The following ACAP3 variants were observed in gnomAD, a reference collection of about 807,000 sequenced individuals.
ACAP3 encodes the protein ArfGAP with coiled-coil, ankyrin repeat and PH domains 3, also known as arf-GAP with coiled-coil, ANK repeat and PH domain-containing protein 3.
ACAP3 carries 56 observed loss-of-function variants against 104.1 expected under a neutral mutation model. The ratio of observed to expected loss-of-function variants is 0.54; its 90% confidence interval spans 0.43 to 0.67. ACAP3 has a LOEUF of 0.67. ACAP3 is among the 30% of genes least tolerant of loss of function. The pLI, the probability that ACAP3 is intolerant of heterozygous loss-of-function variation, is 0.00. For missense variants in ACAP3, 1,208 were observed against 1,174.9 expected (o/e 1.03, Z -0.41); for synonymous variants, 628 against 496.2 (o/e 1.27, Z -3.53).
In ACAP3 at chr1:1,303,348, C is replaced by A; in HGVS notation, c.106-67G>T. 8 of 1,531,614 alleles carry A rather than the reference C, an allele frequency of 5.2e-6. No individual in the cohort carries two copies. The highest frequency in any genetic ancestry group is 7.0e-6 in the Non-Finnish European group (8 of 1,136,450). 94.9% of individuals were successfully genotyped at this position (1,531,614 alleles called of 1,614,324 possible). ...GCCTGCACTCGCCACCACACACGGC[C>A]ACTCAGAGGCAGGAAGAGCTCCCAG... On this transcript the variant is annotated intron_variant, in intron 2 of 23. Coordinates refer to ENST00000354700, the MANE Select transcript of ACAP3 (RefSeq NM_030649.3). This position sits in a 1 kb window ranked among gnomAD's most constrained non-coding sequence, Gnocchi z 4.0.
Position 1,293,639 on chromosome 1 carries a change from CAGG to C in ACAP3, c.2427_2429del (p.Leu810del), listed in dbSNP as rs1433596114. 6.7e-7 allele frequency: 1 copy of C among 1,486,064 alleles called. No homozygotes were observed. Among genetic ancestry groups the C allele is most frequent in the Non-Finnish European group, 8.9e-7 (1 of 1,125,498 alleles). 92.1% of individuals were successfully genotyped at this position (1,486,064 alleles called of 1,614,324 possible). A position where few individuals can be genotyped will look rare whatever the true frequency, so the allele number is the denominator to read the frequency against. On this transcript the variant is annotated inframe_deletion, in exon 24 of 24. Coordinates refer to ENST00000354700, the MANE Select transcript of ACAP3 (RefSeq NM_030649.3). ...ACTGGAGCTCCGTGGGGCTGCCCGCCAGGGCGCCCGGGGGACCAGGGGCAGCCT... is the reference window on the plus strand; with the variant it reads ...ACTGGAGCTCCGTGGGGCTGCCCGCCGCGCCCGGGGGACCAGGGGCAGCCT...
In ACAP3 at chr1:1,294,286, A is replaced by T. The variant is rs1315955495; in HGVS notation, c.2140-87T>A. 7 of 1,513,760 alleles carry T rather than the reference A, an allele frequency of 4.6e-6. No individual in the cohort carries two copies. The African/African-American group carries it at 7.0e-5, about 15-fold the overall frequency. The allele number at this position is 1,513,760 out of a possible 1,614,324, so 93.8% of individuals were successfully genotyped here. On this transcript the variant is annotated intron_variant, in intron 21 of 23. Coordinates refer to ENST00000354700, the MANE Select transcript of ACAP3 (RefSeq NM_030649.3). ...CCTGACCCCGGCCTTGGGCGCCCCC[A>T]GCCGGGACCGAACGTGGTCCCCACC...
At chr1:1,298,468 G>A in intron 11 of ACAP3, 47 bp from the exon 12 acceptor site, 1 of 1,592,658 alleles carries the variant, frequency 6.3e-7, no homozygotes, top group African/African-American at 1.3e-5. Flanking sequence ...CCCATCCCAG[G>A]GCTGCTGTGA....
In ACAP3 at chr1:1,298,293, C is replaced by T. The variant is rs987001728; in HGVS notation, c.915+77G>A. 1.7e-5 allele frequency: 27 copies of T among 1,598,382 alleles called. No individual in the cohort carries two copies. The Admixed American group carries it at 4.6e-4, about 27-fold the overall frequency. On this transcript the variant is annotated intron_variant, in intron 12 of 23. Transcript: ENST00000354700. Reference sequence around the variant, plus strand: ...ACTAGTGCCCCGGCCCTGTGCTAACCCCAACTGACCAGTCTGCCCTGTGGC... The same window carrying T: ...ACTAGTGCCCCGGCCCTGTGCTAACTCCAACTGACCAGTCTGCCCTGTGGC...
In ACAP3 at chr1:1,304,118, C is replaced by T; in HGVS notation, c.73G>A (p.Asp25Asn). 1 of 1,550,756 alleles carries T rather than the reference C, an allele frequency of 6.4e-7. No homozygotes were observed. The highest frequency in any genetic ancestry group is 1.2e-5 in the South Asian group (1 of 84,068). ...AGTTTGGCCTCAATCTCCACCACGT[C>T]CGTCTCCACCTCGTCAATGGTCGCC... ...FRATIDEVET[D>N]VVEIEAKLDK... The change falls in exon 2 of 24, where the codon GAC becomes AAC. Residue 25 changes from aspartate (D) to asparagine (N), a missense_variant. Transcript: ENST00000354700.
Position 1,299,362 on chromosome 1 carries a change from G to A in ACAP3, c.739-6C>T, listed in dbSNP as rs370620607. The A allele has an allele frequency of 3.8e-6, 6 of 1,570,490 alleles. No individual in the cohort carries two copies. Among genetic ancestry groups the A allele is most frequent in the Non-Finnish European group, 5.2e-6 (6 of 1,156,838 alleles). ...TCACTTACCTGCAGCAGCGTCTGGA[G>A]GGCCGGAGCAGGAGGGGGTAGGGGG... On this transcript the variant is annotated splice_polypyrimidine_tract_variant and splice_region_variant and intron_variant, in intron 9 of 23. Coordinates refer to ENST00000354700, the MANE Select transcript of ACAP3 (RefSeq NM_030649.3).
Position 1,296,054 on chromosome 1 carries a change from T to G in ACAP3, c.1463A>C (p.Glu488Ala), listed in dbSNP as rs760521239. 2 of 1,612,762 alleles carry G rather than the reference T, an allele frequency of 1.2e-6. No individual in the cohort carries two copies. The highest frequency in any genetic ancestry group is 1.3e-5 in the African/African-American group (1 of 75,008). The part of the protein sequence containing the change: ...AVNQIYEAQC[E>A]GAGSRKPTAS... ...TGTGGGTTTCCTGCTGCCTGCACCCTCACACTGGGCCTCATAGATCTGATT... is the reference window on the plus strand; with the variant it reads ...TGTGGGTTTCCTGCTGCCTGCACCCGCACACTGGGCCTCATAGATCTGATT... The change falls in exon 17 of 24, where the codon GAG becomes GCG. Residue 488 changes from glutamate to alanine, a missense_variant. Glu to Ala is a moderately radical substitution (Grantham distance 107). Coordinates refer to ENST00000354700, the MANE Select transcript of ACAP3 (RefSeq NM_030649.3).
Position 1,307,915 on chromosome 1 carries a change from C to G in ACAP3, c.-100G>C. 2 of 639,230 alleles carry G rather than the reference C, an allele frequency of 3.1e-6. No individual in the cohort carries two copies. The highest frequency in any genetic ancestry group is 3.9e-6 in the Non-Finnish European group (2 of 516,114). 39.6% of individuals were successfully genotyped at this position (639,230 alleles called of 1,614,324 possible). ...CGTCCCGCCCGCGCCGCCTCGGCGC[C>G]CGCCCGCCCCGGAATGAGGCCGCCG... On this transcript the variant is annotated 5_prime_UTR_variant, in exon 1 of 24. Transcript: ENST00000354700.
At chr1:1,302,389 G>A (rs777893013) in intron 4 of ACAP3, among the ~76,000 whole-genome samples, 18 of 152,176 alleles carry the variant, frequency 1.2e-4, no homozygotes, top group Non-Finnish European at 2.1e-4. Context: ...CTCAGCCAGA[G>A]CCGGGAGCAC....
rs1640944011 is a variant in ACAP3, at chr1:1,293,659, G to A, written c.2410C>T (p.Pro804Ser). ...AEEMREAEAA[P>S]GPPGALAGSP... ...CCCGCCAGGGCGCCCGGGGGACCAG[G>A]GGCAGCCTCGGCCTCGCGCATTTCC... Residue 804 changes from proline (P) to serine (S), a missense_variant, in exon 24 of 24, where the codon CCT becomes TCT. Pro to Ser is a moderately conservative substitution (Grantham distance 74). Transcript: ENST00000354700. 2 of 1,470,550 alleles carry A rather than the reference G, an allele frequency of 1.4e-6. No homozygotes were observed. The highest frequency in any genetic ancestry group is 1.8e-6 in the Non-Finnish European group (2 of 1,119,980). The allele number at this position is 1,470,550 out of a possible 1,614,324, so 91.1% of individuals were successfully genotyped here.
chr1:1,305,193 C>G (rs1431508054), intron 1 of ACAP3: 1 of 152,314 alleles, frequency 6.6e-6, no homozygotes, highest in Non-Finnish European at 1.5e-5. Context: ...GGGTCCCAGC[C>G]ACCCCAGAAG....
chr1:1,298,522 AC>A, intron 11 of ACAP3, 44 bp downstream of exon 11: 1 of 229,084 alleles, frequency 4.4e-6, no homozygotes, highest in Non-Finnish European at 8.2e-6. Context: ...TGAGGACCCC[AC>A]CCCCGCCTAA....
rs1249323357 is a variant in ACAP3, at chr1:1,297,742, T to C, written c.1128+80A>G. 7.1e-5 allele frequency: 95 copies of C among 1,340,826 alleles called. 2 individuals are homozygous for C. Among genetic ancestry groups the C allele is most frequent in the South Asian group, 1.0e-4 (8 of 76,764 alleles). 83.1% of individuals were successfully genotyped at this position (1,340,826 alleles called of 1,614,324 possible). On this transcript the variant is annotated intron_variant, in intron 14 of 23. Coordinates refer to ENST00000354700, the MANE Select transcript of ACAP3 (RefSeq NM_030649.3). ...CCATCCCCGGTGGCACGTGTGTGTG[T>C]GCACAGGCGCGGGGCAGGGGCCATC...
chr1:1,294,380 G>A (rs1165142125), intron 21 of ACAP3, 22 bp downstream of exon 21: 5 of 1,556,668 alleles, frequency 3.2e-6, no homozygotes, highest in East Asian at 2.4e-5. Context: ...TGTCCTGCGC[G>A]CAGCCCCCGT....
rs767552825 is a variant in ACAP3 at position 1,300,178 on chromosome 1, T to A, written c.547A>T (p.Lys183Ter). Residue 183 changes from lysine (K) to a stop codon, truncating the protein, a stop_gained, in exon 7 of 24, where the codon AAG becomes TAG. Transcript: ENST00000354700. LOFTEE classifies it high-confidence loss of function. ...CTCACAGAGTCCAGGATCTCAAACTTCTTCTTGGCCTGCAGAACATTGATC... is the reference window on the plus strand; with the variant it reads ...CTCACAGAGTCCAGGATCTCAAACTACTTCTTGGCCTGCAGAACATTGATC... Reference protein sequence around the residue: ...LQINVLQAKKKFEILDSMLSF... With the variant: ...LQINVLQAKK 1.2e-6 allele frequency: 2 copies of A among 1,609,972 alleles called. No homozygotes were observed. The highest frequency in any genetic ancestry group is 1.7e-6 in the Non-Finnish European group (2 of 1,178,516).
At position 1,304,339 on chromosome 1, in the gene ACAP3, C is replaced by T. The variant is rs369354868; in HGVS notation, c.48-196G>A. The T allele has an allele frequency of 1.1e-4, 72 of 668,032 alleles. No homozygotes were observed. In the East Asian group the frequency reaches 1.2e-3, roughly 11 times the overall value. The allele number at this position is 668,032 out of a possible 1,614,324, so 41.4% of individuals were successfully genotyped here. A position where few individuals can be genotyped will look rare whatever the true frequency, so the allele number is the denominator to read the frequency against. On this transcript the variant is annotated intron_variant, in intron 1 of 23. Coordinates refer to ENST00000354700, the MANE Select transcript of ACAP3 (RefSeq NM_030649.3). ...GCACTTCCCCCCGCCCCCCCAACCCCAGGCAGGCAGAGGCAGCCGCTGCTG... is the reference window on the plus strand; with the variant it reads ...GCACTTCCCCCCGCCCCCCCAACCCTAGGCAGGCAGAGGCAGCCGCTGCTG...
intron 7 of ACAP3, 38 bp from the exon 8 acceptor site, chr1:1,300,106 G>C (rs1641378765): frequency 3.7e-6 from 6 of 1,607,830 alleles, no homozygotes; most frequent in East Asian, 2.2e-5. Context: ...AGCACACCCG[G>C]TCCAGCCCCC....
Position 1,293,217 on chromosome 1 carries a change from G to C in ACAP3, c.*347C>G, listed in dbSNP as rs551421076. ...CAGAAGTGGGGCACGAAGTAACACA[G>C]GCCCTGAGGACACAGGGACACAGGT... is the stretch of plus-strand genomic sequence containing the variant. On this transcript the variant is annotated 3_prime_UTR_variant, in exon 24 of 24. Coordinates refer to ENST00000354700, the MANE Select transcript of ACAP3 (RefSeq NM_030649.3). 1 of 175,988 alleles carries C rather than the reference G, an allele frequency of 5.7e-6. No individual in the cohort carries two copies. The highest frequency in any genetic ancestry group is 1.6e-4 in the East Asian group (1 of 6,296). 10.9% of individuals were successfully genotyped at this position (175,988 alleles called of 1,614,324 possible).
At chr1:1,306,749 A>G (rs536411486) in intron 1 of ACAP3, among the ~76,000 whole-genome samples, 1 of 152,182 alleles carries the variant, frequency 6.6e-6, no homozygotes, top group Admixed American at 6.5e-5. Context: ...TACCACACAT[A>G]CATGTGTGTT....
Sources: gnomAD v4.1 joint callset for allele counts (sites outside exome capture counted in the v4.1 genomes callset) on GRCh38, gnomAD v4.1.1 for gene constraint, Gnocchi (gnomAD v3.1) non-coding constraint, MANE v1.5 for transcripts, NCBI Gene and HGNC (gene_info 2026-07-23, HGNC 2026-07-21) for gene names.